HNF4A: variants seen among roughly 807,000 people sequenced by gnomAD.
HNF4A encodes hepatocyte nuclear factor 4 alpha.
Under a neutral mutation model 52.4 loss-of-function variants are expected in HNF4A, and 15 were observed. The observed-to-expected ratio is 0.29, with a 90% CI of 0.19 to 0.44. The LOEUF (loss-of-function observed/expected upper bound fraction) is 0.44. Among genes scored for constraint, HNF4A ranks in the 20% least tolerant of loss-of-function variants. The probability of loss-of-function intolerance (pLI) is 1.00; values close to 1 mark genes in which losing one functional copy is unlikely to be tolerated. For synonymous variants in HNF4A, 280 were observed against 264.4 expected, an observed-to-expected ratio of 1.06 and a Z score of -0.57; for missense variants, 479 against 647.2, an observed-to-expected ratio of 0.74 and a Z score of 2.82.
chr20:44,401,619 GC>G (rs1339564974), intron 1 of HNF4A: 1 of 1,168,770 alleles, frequency 8.6e-7, no homozygotes, highest in Non-Finnish European at 1.2e-6. Context: ...CTACAGGCCA[GC>G]ACAGGTGTTG....
chr20:44,421,773 G>GTATATATATATAATATATAT (rs1555817126), intron 7 of HNF4A, among the ~76,000 whole-genome samples: 210 of 144,522 alleles, frequency 1.5e-3, no homozygotes, highest in African/African-American at 4.3e-3. Context: ...ACATATATGT[G>GTATATATATATAATATATAT]TATATATATA....
chr20:44,405,968 C>A (rs1192377008), intron 1 of HNF4A, 90 bp from the exon 2 acceptor site: 11 of 1,281,968 alleles, frequency 8.6e-6, no homozygotes, highest in Non-Finnish European at 1.2e-5. Context: ...CTGGCTGAGG[C>A]CGAAGCCCTG....
chr20:44,369,249 C>CAAAAAAAAAAAAAA (rs751374772), intron 1 of HNF4A, among the ~76,000 whole-genome samples: 1 of 24,820 alleles, frequency 4.0e-5, no homozygotes, highest in African/African-American at 1.8e-4. Flanking sequence ...AACTCCATCT[C>CAAAAAAAAAAAAAA]AAAAAAAAAA....
chr20:44,356,127 A>T (rs2062854998), intron 1 of HNF4A, among the ~76,000 whole-genome samples: 2 of 152,174 alleles, frequency 1.3e-5, no homozygotes, highest in Admixed American at 1.3e-4. Flanking sequence ...CTGGGAATGC[A>T]TCTCAGGGGT....
rs2063290059 is a variant in HNF4A at position 44,390,564 on chromosome 20, G to A, written c.50-15494G>A. The A allele has an allele frequency of 5.7e-6, 4 of 701,300 alleles. No individual in the cohort carries two copies. In the Admixed American group the frequency reaches 6.0e-5, roughly 11 times the overall value. The allele number at this position is 701,300 out of a possible 1,614,324, so 43.4% of individuals were successfully genotyped here. ...CGGCCCTCGCAGGGTCTGGGGTGCTGAGAGGGGCCAGCAGGAGCTCCCTCA... is the reference window on the plus strand; with the variant it reads ...CGGCCCTCGCAGGGTCTGGGGTGCTAAGAGGGGCCAGCAGGAGCTCCCTCA... On this transcript the variant is annotated intron_variant, in intron 1 of 9. Transcript: ENST00000316673.
chr20:44,424,520 G>A, intron 8 of HNF4A: 1 of 1,045,664 alleles, frequency 9.6e-7, no homozygotes, highest in Non-Finnish European at 1.4e-6. Context: ...TTGCCCTCGG[G>A]GAGGCTGTGT....
intron 8 of HNF4A, 39 bp from the exon 9 acceptor site, chr20:44,428,294 ATC>A (rs757004295): frequency 6.8e-5 from 110 of 1,610,844 alleles, no homozygotes; most frequent in Non-Finnish European, 9.2e-5. Flanking sequence ...TGAGGTCTGC[ATC>A]CCAGACTCTC....
At chr20:44,379,394 A>C (rs1187201003) in intron 1 of HNF4A, among the ~76,000 whole-genome samples, 1 of 152,066 alleles carries the variant, frequency 6.6e-6, no homozygotes. Context: ...CAGAAGCTGC[A>C]CTATTTTACG....
In HNF4A at chr20:44,428,443, G is replaced by A. The variant is rs2063838697; in HGVS notation, c.1238G>A (p.Ser413Asn). 1 of 1,614,172 alleles carries A rather than the reference G, an allele frequency of 6.2e-7. No individual in the cohort carries two copies. The highest frequency in any genetic ancestry group is 1.1e-5 in the South Asian group (1 of 91,086). Residue 413 changes from serine (S) to asparagine (N), a missense_variant, in exon 9 of 10, where the codon AGC (serine) becomes AAC (asparagine). Around this residue, in one of 3 missense-constraint regions of HNF4A, gnomAD observed 389 missense variants for 525.1 expected, o/e 0.74. Coordinates refer to ENST00000316099, the MANE Select transcript of HNF4A (RefSeq NM_000457.6). ...GCCAACACAATGCCCACTCACCTCA[G>A]CAACGGACAGATGTGTGAGTGGCCC...
intron 1 of HNF4A, among the ~76,000 whole-genome samples, chr20:44,402,871 CTTG>C (rs1326733813): frequency 6.6e-6 from 1 of 152,206 alleles, no homozygotes; most frequent in Non-Finnish European, 1.5e-5. Context: ...CTGGGCACTG[CTTG>C]TTGTCAGCTC....
chr20:44,382,501 C>T (rs2063168175), intron 1 of HNF4A, among the ~76,000 whole-genome samples: 1 of 152,168 alleles, frequency 6.6e-6, no homozygotes, highest in South Asian at 2.1e-4. Flanking sequence ...CCTCCCAAAG[C>T]GCCAGGATTA....
In HNF4A at chr20:44,401,520, G is replaced by A. The variant is rs113725562; in HGVS notation, c.115+33G>A. 82,365 of 1,613,338 alleles carry A rather than the reference G, an allele frequency of 0.051. 2,513 individuals are homozygous for A. The highest frequency in any genetic ancestry group is 0.062 in the Non-Finnish European group (72,895 of 1,179,534). On this transcript the variant is annotated intron_variant, in intron 1 of 9. Transcript: ENST00000316099. ...GGGGCAGATGTGCCCAGGTGTGCCA[G>A]TGGGGGCAGGTGTGCCTGGGTCCAG...
intron 8 of HNF4A, among the ~76,000 whole-genome samples, chr20:44,427,350 C>T (rs982358930): frequency 6.6e-6 from 1 of 152,192 alleles, no homozygotes; most frequent in Non-Finnish European, 1.5e-5. Context: ...GTTGTCTCAT[C>T]TGTAGAATGG....
At chr20:44,402,573 T>C (rs1402632426) in intron 1 of HNF4A, 2 of 1,365,698 alleles carry the variant, frequency 1.5e-6, no homozygotes, top group African/African-American at 3.0e-5. Flanking sequence ...CCGCTGCGTC[T>C]CGCCAGATTG....
intron 6 of HNF4A, among the ~76,000 whole-genome samples, chr20:44,419,358 CA>C (rs1329649396): frequency 6.6e-6 from 1 of 152,210 alleles, no homozygotes; most frequent in Non-Finnish European, 1.5e-5. Flanking sequence ...AACCAGCTAT[CA>C]GGGGCAGAGC....
At chr20:44,394,773 C>T (rs1251262834) in intron 1 of HNF4A, among the ~76,000 whole-genome samples, 1 of 152,222 alleles carries the variant, frequency 6.6e-6, no homozygotes, top group Admixed American at 6.5e-5. Context: ...CCCTGGAGGC[C>T]TCCTGCCCAC....
intron 1 of HNF4A, among the ~76,000 whole-genome samples, chr20:44,356,922 C>T (rs988268947): frequency 1.3e-5 from 2 of 152,164 alleles, no homozygotes; most frequent in East Asian, 1.9e-4. Flanking sequence ...TCAACATTCA[C>T]GTGCCTCTTG....
chr20:44,405,832 C>CAT (rs1568721855), intron 1 of HNF4A, among the ~76,000 whole-genome samples: 18 of 152,034 alleles, frequency 1.2e-4, no homozygotes, highest in Non-Finnish European at 2.4e-4. Flanking sequence ...CACAGGAAGA[C>CAT]GCAGACCCTC....
chr20:44,397,729 C>T (rs2063366600), upstream of HNF4A, among the ~76,000 whole-genome samples: 1 of 152,126 alleles, frequency 6.6e-6, no homozygotes, highest in African/African-American at 2.4e-5. Context: ...AAGTGATTCT[C>T]CTGCCTCAGC....
Sources: allele counts gnomAD v4.1 joint callset (sites outside exome capture counted in the v4.1 genomes callset), GRCh38; gene constraint gnomAD v4.1.1; regional missense constraint gnomAD v4.1.1; transcripts MANE v1.5; gene names NCBI Gene and HGNC (gene_info 2026-07-23, HGNC 2026-07-21).